The following RALGAPA1 variants were observed in gnomAD, a reference collection of about 807,000 sequenced individuals.
The protein encoded by RALGAPA1 is Ral GTPase activating protein catalytic subunit alpha 1.
In RALGAPA1, 52 loss-of-function variants were observed where a neutral mutation model predicts 269.6. That is an observed-to-expected ratio of 0.19 (90% CI 0.15 to 0.24). The LOEUF is 0.24. Ranked by LOEUF, RALGAPA1 falls within the 10% of genes least tolerant of loss-of-function variation. RALGAPA1 has a pLI of 1.00. For synonymous variants in RALGAPA1, 817 were observed against 1,008.3 expected, an observed-to-expected ratio of 0.81 and a Z score of 3.60; for missense variants, 1,917 against 3,013.9, an observed-to-expected ratio of 0.64 and a Z score of 8.52.
At position 35,797,351 on chromosome 14, in the gene RALGAPA1, C is replaced by CAAAAAAAAAAA. The variant is rs530576211; in HGVS notation, c.106+11368_106+11378dup. Reference sequence around the variant, plus strand: ...CTGGTGACAGAGCGAGACTCCGTCTCAAAAAAAAAAAAAAAAAGATGCCAA... The same window carrying CAAAAAAAAAAA: ...CTGGTGACAGAGCGAGACTCCGTCTCAAAAAAAAAAAAAAAAAAAAAAAAAAAAGATGCCAA... On this transcript the variant is annotated intron_variant, in intron 1 of 41. Coordinates refer to ENST00000680220, the MANE Select transcript of RALGAPA1 (RefSeq NM_001346249.2). Among the ~76,000 whole-genome samples, 282 of 60,088 alleles carry CAAAAAAAAAAA rather than the reference C, an allele frequency of 4.7e-3. 47 individuals are homozygous for CAAAAAAAAAAA. Among genetic ancestry groups the CAAAAAAAAAAA allele is most frequent in the African/African-American group, 0.019 (240 of 12,962 alleles). The allele number at this position is 60,088 out of a possible 152,430, so 39.4% of individuals were successfully genotyped here.
chr14:35,561,006 G>A (rs1435717406), intron 39 of RALGAPA1, among the ~76,000 whole-genome samples: 1 of 151,774 alleles, frequency 6.6e-6, no homozygotes, highest in Non-Finnish European at 1.5e-5. Flanking sequence ...GAGGCAGATG[G>A]ATCACGAGGT....
chr14:35,732,345 A>C (rs1393943060), intron 12 of RALGAPA1, among the ~76,000 whole-genome samples: 1 of 152,146 alleles, frequency 6.6e-6, no homozygotes, highest in Non-Finnish European at 1.5e-5. Context: ...CGAAAACAAA[A>C]AAAAAAAACC....
chr14:35,797,261 G>A (rs1296276405), intron 1 of RALGAPA1, among the ~76,000 whole-genome samples: 4 of 148,934 alleles, frequency 2.7e-5, no homozygotes, highest in Admixed American at 6.7e-5. Flanking sequence ...GCTGAAGCAG[G>A]AGAATCACTT....
intron 26 of RALGAPA1, among the ~76,000 whole-genome samples, chr14:35,668,563 A>AGGGAGGATTACTT (rs1225526787): frequency 6.6e-6 from 1 of 152,000 alleles, no homozygotes; most frequent in East Asian, 1.9e-4. Flanking sequence ...AGGCCAAGGC[A>AGGGAGGATTACTT]GGGAGGATTA....
In RALGAPA1 at chr14:35,723,126, A is replaced by G. The variant is rs1369466316; in HGVS notation, c.2005T>C (p.Leu669=). The change falls in exon 15 of 42, where the codon TTA becomes CTA. Residue 669 remains leucine (L), a synonymous_variant. Coordinates refer to ENST00000680220, the MANE Select transcript of RALGAPA1 (RefSeq NM_001346249.2). ...AAATTCCTAGCTAAAACTTTAGTTA[A>G]TGTCTCCATAGTCAGTGACCACTCA... ...ATEWSLTMET[L]TKVLARNLYS... 1 of 1,607,384 alleles carries G rather than the reference A, an allele frequency of 6.2e-7. No individual in the cohort carries two copies. Among genetic ancestry groups the G allele is most frequent in the Non-Finnish European group, 8.5e-7 (1 of 1,173,952 alleles).
Position 35,655,796 on chromosome 14 carries a change from G to A in RALGAPA1, c.5496+11C>T, listed in dbSNP as rs1457423588. The A allele has an allele frequency of 6.2e-7, 1 of 1,610,304 alleles. No individual in the cohort carries two copies. The highest frequency in any genetic ancestry group is 8.5e-7 in the Non-Finnish European group (1 of 1,178,956). On this transcript the variant is annotated intron_variant, in intron 29 of 41. Transcript: ENST00000680220. Reference sequence around the variant, plus strand: ...CTATCTTAATATATTTCACTAAACAGTTTTCTTTACCTTTAAGGAAACACA... The same window carrying A: ...CTATCTTAATATATTTCACTAAACAATTTTCTTTACCTTTAAGGAAACACA...
Position 35,684,811 on chromosome 14 carries a change from G to A in RALGAPA1, c.4294+118C>T. ...TATCTAATTTTTTTTTTTCTAACGT[G>A]GGAGCCACTGCCTAAGTAACACTGG... On this transcript the variant is annotated intron_variant, in intron 20 of 41. Coordinates refer to ENST00000680220, the MANE Select transcript of RALGAPA1 (RefSeq NM_001346249.2). 1.6e-5 allele frequency: 16 copies of A among 1,015,148 alleles called. No homozygotes were observed. The South Asian group carries it at 2.8e-4, about 18-fold the overall frequency. 62.9% of individuals were successfully genotyped at this position (1,015,148 alleles called of 1,614,324 possible).
At chr14:35,717,675 T>A (rs1040038703) in intron 16 of RALGAPA1, among the ~76,000 whole-genome samples, 3 of 152,030 alleles carry the variant, frequency 2.0e-5, no homozygotes, top group African/African-American at 7.2e-5. Flanking sequence ...CTCAGCCTCC[T>A]GAGTAGCTGG....
chr14:35,578,441 A>G (rs2057722639), intron 37 of RALGAPA1, among the ~76,000 whole-genome samples: 1 of 152,300 alleles, frequency 6.6e-6, no homozygotes, highest in African/African-American at 2.4e-5. Flanking sequence ...CACACTTAGT[A>G]AAAAACACTC....
At chr14:35,710,209 C>G (rs1405308193) in intron 16 of RALGAPA1, among the ~76,000 whole-genome samples, 1 of 152,120 alleles carries the variant, frequency 6.6e-6, no homozygotes, top group Admixed American at 6.5e-5. Context: ...ATTTTGATAC[C>G]CTGTTGTTAC....
At chr14:35,763,862 T>C (rs1211541374) in intron 4 of RALGAPA1, among the ~76,000 whole-genome samples, 2 of 151,994 alleles carry the variant, frequency 1.3e-5, no homozygotes, top group East Asian at 3.9e-4. Context: ...TTCTCCAAAG[T>C]AGTTGTAACA....
At position 35,653,580 on chromosome 14, in the gene RALGAPA1, T is replaced by C. The variant is rs922455198; in HGVS notation, c.5607+787A>G. On this transcript the variant is annotated intron_variant, in intron 30 of 41. Coordinates refer to ENST00000680220, the MANE Select transcript of RALGAPA1 (RefSeq NM_001346249.2). ...TCTTAAAAAACCAGTTGGGTTCTCC[T>C]GTGAAGGCCCTGAATTCACAGCTAA... Among the ~76,000 whole-genome samples the C allele has an allele frequency of 2.6e-5, 4 of 152,154 alleles. No individual in the cohort carries two copies. The East Asian group carries it at 7.7e-4, about 29-fold the overall frequency.
At chr14:35,740,140 C>G (rs2071411193) in intron 11 of RALGAPA1, among the ~76,000 whole-genome samples, 2 of 152,048 alleles carry the variant, frequency 1.3e-5, no homozygotes, top group African/African-American at 4.8e-5. Context: ...CCTGATTTCC[C>G]CAAGCAGAGT....
intron 25 of RALGAPA1, 59 bp from the exon 26 acceptor site, chr14:35,671,576 A>C (rs2064443618): frequency 5.8e-6 from 5 of 867,108 alleles, no homozygotes; most frequent in Non-Finnish European, 9.3e-6. Flanking sequence ...AGTATCAGCT[A>C]ATCAGTATCA....
At chr14:35,804,594 T>C (rs537422075) in intron 1 of RALGAPA1, among the ~76,000 whole-genome samples, 1 of 150,182 alleles carries the variant, frequency 6.7e-6, no homozygotes, top group South Asian at 2.1e-4. Flanking sequence ...AATAAATAAA[T>C]AAATAAATAA....
intron 16 of RALGAPA1, among the ~76,000 whole-genome samples, chr14:35,719,779 G>A (rs1163279194): frequency 2.8e-5 from 2 of 71,700 alleles, no homozygotes; most frequent in African/African-American, 2.1e-4. Flanking sequence ...GCCCTCTGTC[G>A]CTCCCTCTGT....
chr14:35,791,702 C>T (rs536817325), intron 1 of RALGAPA1, among the ~76,000 whole-genome samples: 3 of 151,128 alleles, frequency 2.0e-5, no homozygotes, highest in Admixed American at 1.3e-4. Context: ...GTCAGGAGAT[C>T]GAGACCATCC....
intron 16 of RALGAPA1, among the ~76,000 whole-genome samples, chr14:35,715,331 A>C (rs1476151774): frequency 6.6e-6 from 1 of 151,856 alleles, no homozygotes; most frequent in East Asian, 1.9e-4. Flanking sequence ...GTGTTGCTTA[A>C]TATTGTTTTT....
intron 15 of RALGAPA1, among the ~76,000 whole-genome samples, chr14:35,722,664 A>G (rs2069535328): frequency 6.6e-6 from 1 of 151,974 alleles, no homozygotes; most frequent in South Asian, 2.1e-4. Context: ...AAAAACATAT[A>G]TTAATGATAT....
Sources: allele counts gnomAD v4.1 joint callset (sites outside exome capture counted in the v4.1 genomes callset), GRCh38; gene constraint gnomAD v4.1.1; transcripts MANE v1.5; gene names NCBI Gene and HGNC (gene_info 2026-07-23, HGNC 2026-07-21).